Variants in PLAGL2 observed in about 807,000 individuals in gnomAD.
PLAGL2 encodes the protein zinc finger protein PLAGL2.
A neutral mutation model predicts 29.0 loss-of-function variants in PLAGL2; 7 were observed. That is an observed-to-expected ratio of 0.24 (90% confidence interval 0.14 to 0.45). The LOEUF is 0.45. Among genes scored for constraint, PLAGL2 ranks in the 20% least tolerant of loss-of-function variants. The pLI, the probability that PLAGL2 is intolerant of heterozygous loss-of-function variation, is 0.99. For missense variants in PLAGL2, 454 were observed against 648.2 expected, an observed-to-expected ratio of 0.70 and a Z score of 3.25; for synonymous variants, 234 against 266.0, an observed-to-expected ratio of 0.88 and a Z score of 1.17.
In PLAGL2 at chr20:32,201,901, T is replaced by C. The variant is rs1183171147; in HGVS notation, c.260+18A>G. 6.2e-7 allele frequency: 1 copy of C among 1,605,318 alleles called. No homozygotes were observed. The highest frequency in any genetic ancestry group is 1.7e-5 in the Admixed American group (1 of 59,570). On this transcript the variant is annotated intron_variant, in intron 2 of 2. Coordinates refer to ENST00000246229, the MANE Select transcript of PLAGL2 (RefSeq NM_002657.3). ...CTGGGAACCTCAGGGCAGGAAGAGATATGAGAGTGTCACCTACCTATACAG... is the reference window on the plus strand; with the variant it reads ...CTGGGAACCTCAGGGCAGGAAGAGACATGAGAGTGTCACCTACCTATACAG...
intron 1 of PLAGL2, among the ~76,000 whole-genome samples, 186 bp downstream of exon 1, chr20:32,207,455 C>G (rs1328317008): frequency 6.6e-6 from 1 of 152,142 alleles, no homozygotes; most frequent in Non-Finnish European, 1.5e-5. Flanking sequence ...GGAGAGTTTT[C>G]GTCACCCCAG....
rs2122553935 is a variant in PLAGL2 at position 32,207,663 on chromosome 20, G to A, written c.-137C>T. On this transcript the variant is annotated 5_prime_UTR_variant, in exon 1 of 3. Transcript: ENST00000246229. The stretch of plus-strand genomic sequence containing the variant: ...CACCGCGCTCGGGGCCCCACGCTGC[G>A]GGCCGGGCCGCGCTCGGGCTCCGCC... 1 of 193,194 alleles carries A rather than the reference G, an allele frequency of 5.2e-6. No individual in the cohort carries two copies. Among genetic ancestry groups the A allele is most frequent in the South Asian group, 1.9e-4 (1 of 5,276 alleles). The allele number at this position is 193,194 out of a possible 1,614,324, so 12.0% of individuals were successfully genotyped here.
chr20:32,199,469 G>T (rs1021783000), intron 2 of PLAGL2, among the ~76,000 whole-genome samples: 2 of 152,198 alleles, frequency 1.3e-5, no homozygotes, highest in Admixed American at 6.5e-5. Flanking sequence ...TATATGTGAT[G>T]AGTCAGGGCT....
At position 32,197,405 on chromosome 20, in the gene PLAGL2, G is replaced by C; in HGVS notation, c.538C>G (p.Arg180Gly). 2 of 1,612,100 alleles carry C rather than the reference G, an allele frequency of 1.2e-6. No individual in the cohort carries two copies. Among genetic ancestry groups the C allele is most frequent in the Middle Eastern group, 2.1e-4 (1 of 4,788 alleles). ...TCCTTGGCACCGCCTGCTACCCGGC[G>C]TGAGTGGGCCTTCAGGTGCTCTAGC... Reference protein sequence around the residue: ...ALLEHLKAHSRRVAGGAKEKK... With the variant: ...ALLEHLKAHSGRVAGGAKEKK... The change falls in exon 3 of 3, where the codon CGC becomes GGC. Residue 180 changes from arginine to glycine, a missense_variant. Coordinates refer to ENST00000246229, the MANE Select transcript of PLAGL2 (RefSeq NM_002657.3). The surrounding 1 kb of genome is among the most constrained non-coding windows in gnomAD (Gnocchi z 6.6).
rs201604686 is a variant in PLAGL2 at position 32,204,524 on chromosome 20, GCT to G, written c.-114-2234_-114-2233del. Among the ~76,000 whole-genome samples the G allele has an allele frequency of 8.8e-4, 134 of 152,284 alleles. 3 individuals carry two copies. In the East Asian group the frequency reaches 0.025, roughly 29 times the overall value. Reference sequence around the variant, plus strand: ...CTCACCTTGATCTGCTTTTAATGGGGCTATGTCTTCACAAAGAAAAGAGCCAA... The same window carrying G: ...CTCACCTTGATCTGCTTTTAATGGGGATGTCTTCACAAAGAAAAGAGCCAA... On this transcript the variant is annotated intron_variant, in intron 1 of 2. Coordinates refer to ENST00000246229, the MANE Select transcript of PLAGL2 (RefSeq NM_002657.3).
At chr20:32,199,109 G>A (rs1419765562) in intron 2 of PLAGL2, among the ~76,000 whole-genome samples, 1 of 152,080 alleles carries the variant, frequency 6.6e-6, no homozygotes, top group Non-Finnish European at 1.5e-5. Context: ...GACAAGGAAA[G>A]GAGTCTAAAA....
chr20:32,203,582 A>C (rs1259884022), intron 1 of PLAGL2, among the ~76,000 whole-genome samples: 2 of 152,196 alleles, frequency 1.3e-5, no homozygotes, highest in Admixed American at 1.3e-4. Flanking sequence ...GAAGAGAGAA[A>C]AGGGGGTGTC....
In PLAGL2 at chr20:32,193,073, T is replaced by C. The variant is rs1331662679; in HGVS notation, c.*3379A>G. The C allele has an allele frequency of 2.6e-5, 4 of 152,670 alleles. No individual in the cohort carries two copies. Among genetic ancestry groups the C allele is most frequent in the Non-Finnish European group, 5.9e-5 (4 of 68,046 alleles). 9.5% of individuals were successfully genotyped at this position (152,670 alleles called of 1,614,324 possible). On this transcript the variant is annotated 3_prime_UTR_variant, in exon 3 of 3. Transcript: ENST00000246229. ...TGGGATCCCAGAGGAATCTGGACTT[T>C]TCTGGCCAACACCTGCCTAAGGCAA...
chr20:32,200,662 T>C (rs1443585634), intron 2 of PLAGL2, among the ~76,000 whole-genome samples: 1 of 151,934 alleles, frequency 6.6e-6, no homozygotes, highest in African/African-American at 2.4e-5. Context: ...ACAATCTCAG[T>C]TCACTGCAAC....
chr20:32,204,234 G>A (rs1162407760), intron 1 of PLAGL2, among the ~76,000 whole-genome samples: 2 of 152,150 alleles, frequency 1.3e-5, no homozygotes, highest in Non-Finnish European at 2.9e-5. Context: ...GGGAATGGCA[G>A]CCAGAAGGAA....
rs2047226011 is a variant in PLAGL2 at position 32,196,079 on chromosome 20, C to G, written c.*373G>C. 6.2e-6 allele frequency: 1 copy of G among 160,306 alleles called. No individual in the cohort carries two copies. Among genetic ancestry groups the G allele is most frequent in the Non-Finnish European group, 1.4e-5 (1 of 73,758 alleles). 9.9% of individuals were successfully genotyped at this position (160,306 alleles called of 1,614,324 possible). On this transcript the variant is annotated 3_prime_UTR_variant, in exon 3 of 3. Transcript: ENST00000246229. Reference sequence around the variant, plus strand: ...AAGGTGGGCTTCTTGGGCAATTTCTCTAGAGGTCATCCAAGGTGAAACCCT... The same window carrying G: ...AAGGTGGGCTTCTTGGGCAATTTCTGTAGAGGTCATCCAAGGTGAAACCCT...
At chr20:32,201,071 A>G (rs2047256964) in intron 2 of PLAGL2, among the ~76,000 whole-genome samples, 1 of 152,198 alleles carries the variant, frequency 6.6e-6, no homozygotes, top group African/African-American at 2.4e-5. Context: ...ACATAGTTAA[A>G]TGAGTAAGTA....
intron 1 of PLAGL2, among the ~76,000 whole-genome samples, chr20:32,205,236 TTC>T (rs1347781709): frequency 6.6e-6 from 1 of 152,180 alleles, no homozygotes. Context: ...TGAATAGTAC[TTC>T]TTTTTTTCCT....
In PLAGL2 at chr20:32,193,380, G is replaced by A. The variant is rs1252523539; in HGVS notation, c.*3072C>T. On this transcript the variant is annotated 3_prime_UTR_variant, in exon 3 of 3. Transcript: ENST00000246229. ...ATTAAGAAAATGCCATTTGTAAAAG[G>A]TTGGGCGGTGGGCTGGAGGGCGGGG... 1 of 152,228 alleles carries A rather than the reference G, an allele frequency of 6.6e-6. No homozygotes were observed. The highest frequency in any genetic ancestry group is 2.4e-5 in the African/African-American group (1 of 41,452). The allele number at this position is 152,228 out of a possible 1,614,324, so 9.4% of individuals were successfully genotyped here.
rs368229777 is a variant in PLAGL2 at position 32,197,050 on chromosome 20, T to A, written c.893A>T (p.Tyr298Phe). ...GGGCATGGTAGGGATGTGGGCACCA[T>A]ACATGCCCATGGGCAACATGCCAGG... Reference protein sequence around the residue: ...AFPGMLPMGMYGAHIPTMPST... With the variant: ...AFPGMLPMGMFGAHIPTMPST... Residue 298 changes from tyrosine (Y) to phenylalanine (F), a missense_variant, in exon 3 of 3, where the codon TAT (tyrosine) becomes TTT (phenylalanine). By Grantham distance (22) the Tyr-to-Phe change is conservative (BLOSUM62 3). This residue lies in a region of PLAGL2 where 247 missense variants were observed against 350.3 expected (regional missense o/e 0.71). Coordinates refer to ENST00000246229, the MANE Select transcript of PLAGL2 (RefSeq NM_002657.3). The surrounding 1 kb of genome is among the most constrained non-coding windows in gnomAD (Gnocchi z 6.6). The A allele has an allele frequency of 1.9e-6, 3 of 1,613,958 alleles. No homozygotes were observed. The highest frequency in any genetic ancestry group is 2.5e-6 in the Non-Finnish European group (3 of 1,179,946).
chr20:32,207,535 C>T (rs1448289768), intron 1 of PLAGL2, 106 bp downstream of exon 1: 5 of 152,704 alleles, frequency 3.3e-5, no homozygotes, highest in African/African-American at 1.2e-4. Flanking sequence ...CGCTGAGGGG[C>T]CCGAGATGAG....
At chr20:32,200,905 T>C (rs1331262613) in intron 2 of PLAGL2, among the ~76,000 whole-genome samples, 3 of 152,242 alleles carry the variant, frequency 2.0e-5, no homozygotes, top group African/African-American at 7.2e-5. Context: ...AAAATTGCTT[T>C]TGACCATGCC....
Position 32,196,397 on chromosome 20 carries a change from G to T in PLAGL2, c.*55C>A. 5 of 1,267,510 alleles carry T rather than the reference G, an allele frequency of 3.9e-6. No individual in the cohort carries two copies. Among genetic ancestry groups the T allele is most frequent in the South Asian group, 2.6e-5 (1 of 37,902 alleles). The allele number at this position is 1,267,510 out of a possible 1,614,324, so 78.5% of individuals were successfully genotyped here. A position where few individuals can be genotyped will look rare whatever the true frequency, so the allele number is the denominator to read the frequency against. Reference sequence around the variant, plus strand: ...CCTTCATGGGGGACACAGACGGGGTGGGTACTAAGGCTCCATAACAGAGCC... The same window carrying T: ...CCTTCATGGGGGACACAGACGGGGTTGGTACTAAGGCTCCATAACAGAGCC... On this transcript the variant is annotated 3_prime_UTR_variant, in exon 3 of 3. Coordinates refer to ENST00000246229, the MANE Select transcript of PLAGL2 (RefSeq NM_002657.3).
intron 2 of PLAGL2, among the ~76,000 whole-genome samples, chr20:32,200,667 T>C (rs1037451618): frequency 2.0e-5 from 3 of 152,162 alleles, no homozygotes; most frequent in South Asian, 2.1e-4. Context: ...CTCAGTTCAC[T>C]GCAACCTCCT....
Sources: gnomAD v4.1 joint callset for allele counts (sites outside exome capture counted in the v4.1 genomes callset) on GRCh38, gnomAD v4.1.1 for gene constraint, gnomAD v4.1.1 regional missense constraint, Gnocchi (gnomAD v3.1) non-coding constraint, MANE v1.5 for transcripts, NCBI Gene and HGNC (gene_info 2026-07-23, HGNC 2026-07-21) for gene names.